The following SH3RF1 variants were observed in gnomAD, a reference collection of about 807,000 sequenced individuals.
SH3RF1 encodes the protein E3 ubiquitin-protein ligase SH3RF1.
SH3RF1 carries 32 observed loss-of-function variants against 74.0 expected under a neutral mutation model. The observed-to-expected ratio is 0.43, with a 90% CI of 0.33 to 0.58. The LOEUF is 0.58. Among genes scored for constraint, SH3RF1 ranks in the 20% least tolerant of loss-of-function variants. The probability of loss-of-function intolerance (pLI) is 0.05; values close to 1 mark genes in which losing one functional copy is unlikely to be tolerated. For missense variants in SH3RF1, 954 were observed against 1,130.9 expected, an observed-to-expected ratio of 0.84 and a Z score of 2.24; for synonymous variants, 396 against 439.6, an observed-to-expected ratio of 0.90 and a Z score of 1.24.
At chr4:169,265,171 T>C (rs534736922) in intron 2 of SH3RF1, among the ~76,000 whole-genome samples, 220 of 152,304 alleles carry the variant, frequency 1.4e-3, no homozygotes, top group Non-Finnish European at 2.7e-3. Context: ...CAAAACCTAA[T>C]GTGTCTCTCC....
At chr4:169,228,380 A>T (rs965837668) in intron 2 of SH3RF1, among the ~76,000 whole-genome samples, 1 of 133,030 alleles carries the variant, frequency 7.5e-6, no homozygotes, top group African/African-American at 2.4e-5. Context: ...AGGTGTTGGC[A>T]GCGCTGTGTT....
chr4:169,208,026 C>A (rs1351026290), intron 2 of SH3RF1, among the ~76,000 whole-genome samples: 9 of 152,162 alleles, frequency 5.9e-5, no homozygotes, highest in Admixed American at 5.2e-4. Context: ...ATAGACTCTA[C>A]TTTGCCAGGC....
At chr4:169,240,533 A>G (rs78978853) in intron 2 of SH3RF1, among the ~76,000 whole-genome samples, 1,896 of 152,302 alleles carry the variant, frequency 0.012, 30 homozygotes, top group African/African-American at 0.043. Flanking sequence ...GCAGTTTGAG[A>G]AACTGTTCAA....
chr4:169,219,785 T>C (rs1275748952), intron 2 of SH3RF1, among the ~76,000 whole-genome samples: 1 of 152,238 alleles, frequency 6.6e-6, no homozygotes, highest in African/African-American at 2.4e-5. Flanking sequence ...TTCATTTTTA[T>C]CCCTCTACTA....
chr4:169,242,891 T>A (rs2110736696), intron 2 of SH3RF1, among the ~76,000 whole-genome samples: 1 of 152,296 alleles, frequency 6.6e-6, no homozygotes, highest in Admixed American at 6.5e-5. Context: ...TACATTTCTA[T>A]CATTATAAAT....
At chr4:169,146,947 A>ACCCTT (rs1733904464) in intron 4 of SH3RF1, among the ~76,000 whole-genome samples, 1 of 152,124 alleles carries the variant, frequency 6.6e-6, no homozygotes. Flanking sequence ...AGGAAGAAAA[A>ACCCTT]CCCTTCCCAA....
At chr4:169,125,546 T>C (rs546274170) in intron 6 of SH3RF1, among the ~76,000 whole-genome samples, 52 of 152,294 alleles carry the variant, frequency 3.4e-4, no homozygotes, top group South Asian at 1.4e-3. Context: ...GTGCTTTGCA[T>C]TGGAGCTTTG....
At chr4:169,215,475 G>C (rs190457606) in intron 2 of SH3RF1, among the ~76,000 whole-genome samples, 1 of 152,268 alleles carries the variant, frequency 6.6e-6, no homozygotes, top group Non-Finnish European at 1.5e-5. Context: ...AAGTTACAAA[G>C]TATTCCCTCT....
At chr4:169,168,527 TC>T (rs1734280509) in intron 2 of SH3RF1, among the ~76,000 whole-genome samples, 1 of 152,194 alleles carries the variant, frequency 6.6e-6, no homozygotes, top group Non-Finnish European at 1.5e-5. Flanking sequence ...GAATAAGTCT[TC>T]AAATACCATG....
At chr4:169,211,722 T>G (rs981406218) in intron 2 of SH3RF1, among the ~76,000 whole-genome samples, 2 of 152,158 alleles carry the variant, frequency 1.3e-5, no homozygotes, top group African/African-American at 2.4e-5. Context: ...GATGTGTGAA[T>G]GTATGTGTGT....
At chr4:169,169,731 T>C (rs1157260001) in intron 2 of SH3RF1, among the ~76,000 whole-genome samples, 1 of 152,216 alleles carries the variant, frequency 6.6e-6, no homozygotes, top group Admixed American at 6.5e-5. Flanking sequence ...ACTGTTATTT[T>C]TCACTTTTTC....
chr4:169,139,159 G>A (rs868677630), intron 4 of SH3RF1, among the ~76,000 whole-genome samples: 5 of 152,142 alleles, frequency 3.3e-5, no homozygotes, highest in Admixed American at 6.5e-5. Context: ...TCTAGCTGGT[G>A]TCGAACTTCT....
chr4:169,194,886 T>C (rs1215121783), intron 2 of SH3RF1, among the ~76,000 whole-genome samples: 1 of 152,202 alleles, frequency 6.6e-6, no homozygotes, highest in South Asian at 2.1e-4. Context: ...CTGTAACAAA[T>C]GACATTGAGC....
rs747264084 is a variant in SH3RF1 at position 169,116,364 on chromosome 4, T to C, written c.2044A>G (p.Ile682Val). The change falls in exon 10 of 12, where the codon ATA becomes GTA. Residue 682 changes from isoleucine (I) to valine (V), a missense_variant. Physicochemically the swap from Ile to Val is conservative, Grantham distance 29. Coordinates refer to ENST00000284637, the MANE Select transcript of SH3RF1 (RefSeq NM_020870.4). ...ASLEAEPSGR[I>V]VTVLPGLPTS... ...GGGAGTCCAGGGAGAACGGTCACTA[T>C]CCGGCCACTGGGCTCAGCCTCCAGA... 1.2e-6 allele frequency: 2 copies of C among 1,614,188 alleles called. No individual in the cohort carries two copies. Among genetic ancestry groups the C allele is most frequent in the South Asian group, 1.1e-5 (1 of 91,082 alleles).
intron 10 of SH3RF1, among the ~76,000 whole-genome samples, chr4:169,107,566 CCAGGT>C (rs1433763875): frequency 2.0e-5 from 3 of 152,118 alleles, no homozygotes; most frequent in Non-Finnish European, 4.4e-5. Flanking sequence ...AACTCACATC[CCAGGT>C]TTGGTAAAAG....
intron 2 of SH3RF1, among the ~76,000 whole-genome samples, chr4:169,238,263 T>C (rs1206388111): frequency 6.6e-6 from 1 of 152,208 alleles, no homozygotes; most frequent in Non-Finnish European, 1.5e-5. Context: ...CTACCTGCAC[T>C]ATTAATACTC....
intron 2 of SH3RF1, among the ~76,000 whole-genome samples, chr4:169,195,917 C>T (rs887750333): frequency 7.9e-5 from 12 of 151,998 alleles, no homozygotes; most frequent in African/African-American, 2.7e-4. Context: ...GGTGCAATCT[C>T]GGCTCACTGC....
intron 2 of SH3RF1, among the ~76,000 whole-genome samples, chr4:169,182,785 AC>A (rs372028417): frequency 3.4e-4 from 52 of 152,062 alleles, no homozygotes; most frequent in Non-Finnish European, 5.7e-4. Context: ...AGAATAATTT[AC>A]TCTGTTTCCT....
intron 10 of SH3RF1, among the ~76,000 whole-genome samples, chr4:169,115,009 C>T (rs1025273303): frequency 3.3e-5 from 5 of 152,046 alleles, no homozygotes; most frequent in South Asian, 2.1e-4. Flanking sequence ...TATCCAGATC[C>T]GTTACCATCT....
Sources: gnomAD v4.1 joint callset for allele counts (sites outside exome capture counted in the v4.1 genomes callset) on GRCh38, gnomAD v4.1.1 for gene constraint, MANE v1.5 for transcripts, NCBI Gene and HGNC (gene_info 2026-07-23, HGNC 2026-07-21) for gene names.